The following MALAT1 variants were observed in gnomAD, a reference collection of about 807,000 sequenced individuals.
MALAT1 encodes hepcarcin.
exon 3 of MALAT1, chr11:65,503,478 T>C: frequency 3.9e-6 from 2 of 517,848 alleles, no homozygotes; most frequent in Non-Finnish European, 3.9e-6. Flanking sequence ...GGAAATTTGT[T>C]TAGCATTGAA....
chr11:65,500,325 G>A (rs535184714), exon 3 of MALAT1: 1 of 518,614 alleles, frequency 1.9e-6, no homozygotes, highest in East Asian at 5.4e-5. Flanking sequence ...CCAACTTAAT[G>A]TTTTTGCATT....
intron 3 of MALAT1, chr11:65,505,720 T>A (rs118035271): frequency 9.8e-5 from 51 of 519,028 alleles, no homozygotes; most frequent in Non-Finnish European, 1.8e-4. Flanking sequence ...GGCCATTAAT[T>A]TGCCTGCAAA....
At chr11:65,501,000 G>A (rs747266117) in exon 3 of MALAT1, 8 of 508,230 alleles carry the variant, frequency 1.6e-5, no homozygotes, top group South Asian at 1.2e-4. Flanking sequence ...TAGATGGCAA[G>A]TTTGTGGGTT....
At chr11:65,499,283 A>G (rs1158470676) in exon 3 of MALAT1, 1 of 513,436 alleles carries the variant, frequency 1.9e-6, no homozygotes, top group Non-Finnish European at 3.9e-6. Flanking sequence ...GAAAAGATAA[A>G]AGGTTTCTAA....
intron 1 of MALAT1, chr11:65,498,191 T>G (rs750285176): frequency 1.9e-6 from 1 of 518,936 alleles, no homozygotes; most frequent in Non-Finnish European, 3.8e-6. Context: ...AAGGTCTCTG[T>G]GTCTTCGGAG....
exon 3 of MALAT1, chr11:65,501,265 CT>C (rs761621143): frequency 2.7e-5 from 14 of 515,190 alleles, no homozygotes; most frequent in South Asian, 1.8e-4. Flanking sequence ...GTTTTCAGTT[CT>C]TTTTCCCTTA....
exon 3 of MALAT1, chr11:65,500,169 A>T (rs574947814): frequency 2.0e-6 from 1 of 506,178 alleles, no homozygotes; most frequent in East Asian, 5.5e-5. Flanking sequence ...AAAAGCTACT[A>T]AAAGGACTGG....
At chr11:65,501,931 T>G (rs780679633) in exon 3 of MALAT1, 7 of 517,660 alleles carry the variant, frequency 1.4e-5, no homozygotes, top group Non-Finnish European at 1.9e-5. Flanking sequence ...AGTTTATGAT[T>G]GCAGATAAAC....
chr11:65,501,457 C>T (rs1199400141), exon 3 of MALAT1: 4 of 512,204 alleles, frequency 7.8e-6, no homozygotes, highest in Non-Finnish European at 1.6e-5. Context: ...CTTTTTTCCC[C>T]CCACCCCCTT....
chr11:65,505,144 G>A (rs12795153), intron 3 of MALAT1: 5 of 518,870 alleles, frequency 9.6e-6, no homozygotes, highest in South Asian at 7.0e-5. Flanking sequence ...CGTGGGGGTG[G>A]AGGGGTGAGG....
At chr11:65,498,726 CTTTAAGAGGTATTTT>C (rs1565672922) in intron 2 of MALAT1, 2 of 518,778 alleles carry the variant, frequency 3.9e-6, no homozygotes. Flanking sequence ...ACAAGAAGTG[CTTTAAGAGGTATTTT>C]AAAAGTTCCG....
chr11:65,498,104 C>T (rs755245922), intron 1 of MALAT1: 6 of 518,830 alleles, frequency 1.2e-5, no homozygotes, highest in Non-Finnish European at 2.3e-5. Flanking sequence ...AACACAGAAT[C>T]TGCAAAACAA....
chr11:65,505,452 C>T (rs1419006689), intron 3 of MALAT1: 5 of 512,494 alleles, frequency 9.8e-6, no homozygotes, highest in South Asian at 5.6e-5. Flanking sequence ...AAATCTCAAG[C>T]GGTGCTTGAA....
exon 3 of MALAT1, chr11:65,502,385 T>C (rs1854569729): frequency 2.0e-6 from 1 of 508,668 alleles, no homozygotes; most frequent in African/African-American, 2.0e-5. Context: ...GTAGCTTTTG[T>C]ATTATCAAGT....
chr11:65,505,767 GCT>G (rs1854674391), intron 3 of MALAT1: 1 of 518,656 alleles, frequency 1.9e-6, no homozygotes, highest in Non-Finnish European at 3.9e-6. Context: ...CAGCTAAGTA[GCT>G]CTATTATAAT....
chr11:65,497,946 G>A (rs377527892), intron 1 of MALAT1: 3 of 518,968 alleles, frequency 5.8e-6, no homozygotes, highest in East Asian at 5.4e-5. Context: ...TGCTATCTTA[G>A]CTGTCCTTAT....
At chr11:65,503,517 A>C (rs767471977) in exon 3 of MALAT1, 1 of 518,750 alleles carries the variant, frequency 1.9e-6, no homozygotes, top group African/African-American at 1.9e-5. Flanking sequence ...AAGGAATAGC[A>C]TGATGTGCTG....
intron 3 of MALAT1, chr11:65,504,507 A>AT (rs772193823): frequency 1.2e-5 from 6 of 518,828 alleles, no homozygotes; most frequent in Non-Finnish European, 2.3e-5. Context: ...CAGCTGAGTG[A>AT]TAAAGGCTGA....
chr11:65,506,110 A>G, intron 3 of MALAT1: 1 of 398,380 alleles, frequency 2.5e-6, no homozygotes, highest in Non-Finnish European at 4.8e-6. Context: ...AAAAAAAAAA[A>G]GCAAAAGATG....
Sources: allele counts gnomAD v4.1 joint callset, GRCh38; gene constraint gnomAD v4.1.1; transcripts MANE v1.5; gene names NCBI Gene and HGNC (gene_info 2026-07-23, HGNC 2026-07-21).